ANK2: variants seen among roughly 807,000 people sequenced by gnomAD.
ANK2 encodes the protein ankyrin-2.
ANK2 carries 83 observed loss-of-function variants against 360.5 expected under a neutral mutation model. The ratio of observed to expected loss-of-function variants is 0.23; its 90% CI spans 0.19 to 0.28. The LOEUF is 0.28. Ranked by LOEUF, ANK2 falls within the 10% of genes least tolerant of loss-of-function variation. ANK2 has a pLI of 1.00. For missense variants in ANK2, 4,201 were observed against 4,795.7 expected, an observed-to-expected ratio of 0.88 and a Z score of 3.66; for synonymous variants, 1,740 against 1,759.5, an observed-to-expected ratio of 0.99 and a Z score of 0.28.
At chr4:112,712,508 C>T in the ANK2 span, among the ~76,000 whole-genome samples, 7 of 148,184 alleles carry the variant, frequency 4.7e-5, no homozygotes, top group East Asian at 4.1e-4. Flanking sequence ...CCCGGGTTCA[C>T]GCCATTCCCC....
intron 3 of ANK2, 70 bp downstream of exon 3, chr4:113,196,536 A>T (rs1355726957): frequency 7.4e-7 from 1 of 1,359,664 alleles, no homozygotes; most frequent in African/African-American, 1.4e-5. Context: ...TTTCATTTTT[A>T]TTTATTTTTT....
chr4:113,236,931 T>A, intron 5 of ANK2, 56 bp from the exon 6 acceptor site: 2 of 1,558,574 alleles, frequency 1.3e-6, no homozygotes, highest in Non-Finnish European at 1.8e-6. Context: ...TGCTTAGAAC[T>A]AAATCTCTAG....
intron 2 of ANK2, among the ~76,000 whole-genome samples, chr4:112,999,388 CA>C (rs1207041983): frequency 6.6e-6 from 1 of 152,078 alleles, no homozygotes; most frequent in African/African-American, 2.4e-5. Context: ...GCTCTTTTTA[CA>C]TTAAGGAAAT....
chr4:113,106,359 G>A (rs563008362), intron 1 of ANK2, among the ~76,000 whole-genome samples: 4 of 152,158 alleles, frequency 2.6e-5, no homozygotes, highest in Non-Finnish European at 5.9e-5. Flanking sequence ...GTTTTAAGCA[G>A]CAGATCCTTT....
intron 2 of ANK2, among the ~76,000 whole-genome samples, chr4:112,954,235 C>T (rs562609023): frequency 7.0e-6 from 1 of 143,600 alleles, no homozygotes; most frequent in South Asian, 2.4e-4. Flanking sequence ...CCCTCCCTTC[C>T]TTCCTTCCTT....
intron 1 of ANK2, among the ~76,000 whole-genome samples, chr4:113,122,946 T>C: frequency 6.6e-6 from 1 of 151,176 alleles, no homozygotes. Flanking sequence ...TATAAAGAAC[T>C]TCTTTTGACC....
intron 22 of ANK2, among the ~76,000 whole-genome samples, chr4:113,294,171 G>C (rs1476042016): frequency 1.3e-5 from 2 of 152,084 alleles, no homozygotes. Flanking sequence ...ATTATCACTG[G>C]CCTTTGCTAG....
intron 1 of ANK2, among the ~76,000 whole-genome samples, chr4:112,858,727 T>G (rs1003558203): frequency 1.3e-5 from 2 of 152,228 alleles, no homozygotes; most frequent in Non-Finnish European, 2.9e-5. Context: ...CTATCTTATT[T>G]TCTACCTGGA....
intron 2 of ANK2, among the ~76,000 whole-genome samples, chr4:112,932,563 G>A (rs963531594): frequency 2.0e-5 from 3 of 148,796 alleles, no homozygotes; most frequent in Non-Finnish European, 4.5e-5. Context: ...GTTTCATTCT[G>A]CAGCTGTGAC....
chr4:113,280,126 G>C (rs1373685253), intron 17 of ANK2, among the ~76,000 whole-genome samples: 1 of 151,620 alleles, frequency 6.6e-6, no homozygotes, highest in Non-Finnish European at 1.5e-5. Flanking sequence ...AGATACAAAA[G>C]ACTTCATTAG....
intron 9 of ANK2, among the ~76,000 whole-genome samples, chr4:113,245,399 G>A (rs2042314468): frequency 6.6e-6 from 1 of 152,198 alleles, no homozygotes; most frequent in Admixed American, 6.5e-5. Flanking sequence ...AACTGCCCGA[G>A]ATTGGGTAAT....
At chr4:112,805,063 A>T in the ANK2 span, among the ~76,000 whole-genome samples, 1 of 152,212 alleles carries the variant, frequency 6.6e-6, no homozygotes, top group African/African-American at 2.4e-5. Flanking sequence ...CTGAACACCC[A>T]GGAAGAATAG....
At chr4:112,768,212 A>G in the ANK2 span, among the ~76,000 whole-genome samples, 1 of 152,134 alleles carries the variant, frequency 6.6e-6, no homozygotes, top group South Asian at 2.1e-4. Context: ...AACTGAACTC[A>G]GAAGCATTTG....
intron 13 of ANK2, among the ~76,000 whole-genome samples, chr4:113,261,622 CAGT>C (rs1270514150): frequency 1.3e-5 from 2 of 152,026 alleles, no homozygotes; most frequent in African/African-American, 4.8e-5. Context: ...GGGCAACTTA[CAGT>C]AGAAGTCCAT....
chr4:113,327,186 T>C (rs2153899346), intron 26 of ANK2, among the ~76,000 whole-genome samples: 1 of 152,296 alleles, frequency 6.6e-6, no homozygotes, highest in Admixed American at 6.5e-5. Flanking sequence ...ATTTTGATTT[T>C]CCCATCTTTG....
chr4:113,157,076 GT>G (rs77073614), intron 1 of ANK2, among the ~76,000 whole-genome samples: 26 of 148,720 alleles, frequency 1.7e-4, no homozygotes, highest in East Asian at 7.8e-4. Context: ...TAACCTAAAG[GT>G]TTTTTTTTTA....
intron 1 of ANK2, among the ~76,000 whole-genome samples, chr4:112,886,345 A>G (rs2078339492): frequency 6.6e-6 from 1 of 152,086 alleles, no homozygotes; most frequent in Admixed American, 6.6e-5. Flanking sequence ...ACTCCAGAGT[A>G]AGCTATGCCC....
chr4:113,004,484 C>T (rs2154288717), intron 2 of ANK2, among the ~76,000 whole-genome samples: 1 of 152,284 alleles, frequency 6.6e-6, no homozygotes, highest in Non-Finnish European at 1.5e-5. Context: ...TCCACCTCCA[C>T]ATCTTGCTCC....
At chr4:112,905,296 G>C (rs950017540) in intron 2 of ANK2, among the ~76,000 whole-genome samples, 1 of 152,064 alleles carries the variant, frequency 6.6e-6, no homozygotes, top group Non-Finnish European at 1.5e-5. Context: ...TGATGTTTCA[G>C]GTGCAATAAA....
Sources: allele counts gnomAD v4.1 joint callset (sites outside exome capture counted in the v4.1 genomes callset), GRCh38; gene constraint gnomAD v4.1.1; transcripts MANE v1.5; gene names NCBI Gene and HGNC (gene_info 2026-07-23, HGNC 2026-07-21).